The following ATP2B1 variants were observed in gnomAD, a reference collection of about 807,000 sequenced individuals.
ATP2B1 encodes the protein plasma membrane calcium-transporting ATPase 1.
In ATP2B1, 14 loss-of-function variants were observed where a neutral mutation model predicts 124.2. The observed-to-expected ratio is 0.11, with a 90% confidence interval of 0.07 to 0.18. The LOEUF is 0.18. ATP2B1 is among the 10% of genes least tolerant of loss of function. The probability of loss-of-function intolerance (pLI) is 1.00; values close to 1 mark genes in which losing one functional copy is unlikely to be tolerated. For missense variants in ATP2B1, 763 were observed against 1,466.1 expected, an observed-to-expected ratio of 0.52 and a Z score of 7.83; for synonymous variants, 449 against 492.4, an observed-to-expected ratio of 0.91 and a Z score of 1.17.
intron 1 of ATP2B1, among the ~76,000 whole-genome samples, chr12:89,708,072 T>C (rs1215873116): frequency 1.3e-5 from 2 of 151,860 alleles, no homozygotes; most frequent in East Asian, 1.9e-4. Flanking sequence ...ACGCCAACAA[T>C]CAACCACCAG....
Position 89,626,594 on chromosome 12 carries a change from G to A in ATP2B1, c.989C>T (p.Ala330Val). The change falls in exon 8 of 21, where the codon GCC becomes GTC. Residue 330 changes from alanine to valine, a missense_variant. Ala to Val is a moderately conservative substitution (Grantham distance 64). Around this residue, in one of 7 missense-constraint regions of ATP2B1, gnomAD observed 392 missense variants for 776.6 expected, o/e 0.50. Coordinates refer to ENST00000428670, the MANE Select transcript of ATP2B1 (RefSeq NM_001366521.1). ...RNKAKAQDGA[A>V]MEMQPLKSEE... The stretch of plus-strand genomic sequence containing the variant: ...ACTCTTCAATGGCTGCATTTCCATG[G>A]CTGCACCATCCTGGGCTTTTGCTAC... 1 of 1,609,150 alleles carries A rather than the reference G, an allele frequency of 6.2e-7. No homozygotes were observed. Among genetic ancestry groups the A allele is most frequent in the African/African-American group, 1.3e-5 (1 of 74,524 alleles).
At chr12:89,697,774 T>C (rs1461825551) in intron 1 of ATP2B1, among the ~76,000 whole-genome samples, 1 of 151,378 alleles carries the variant, frequency 6.6e-6, no homozygotes, top group Admixed American at 6.6e-5. Context: ...CATCCCATTT[T>C]CTACTCTGAA....
chr12:89,671,985 AC>A (rs574330104), intron 1 of ATP2B1, among the ~76,000 whole-genome samples: 48 of 152,156 alleles, frequency 3.2e-4, no homozygotes, highest in African/African-American at 9.4e-4. Context: ...AGTCTCCTTT[AC>A]CCCAAGAGAG....
At chr12:89,679,428 C>G (rs1258502719) in intron 1 of ATP2B1, among the ~76,000 whole-genome samples, 6 of 152,174 alleles carry the variant, frequency 3.9e-5, no homozygotes, top group Admixed American at 1.3e-4. Flanking sequence ...AATCAGTCTC[C>G]AGGACCAAGA....
intron 20 of ATP2B1, among the ~76,000 whole-genome samples, chr12:89,596,212 A>C (rs1376824579): frequency 6.6e-6 from 1 of 152,152 alleles, no homozygotes; most frequent in Admixed American, 6.6e-5. Flanking sequence ...AATATTGGTA[A>C]ATAAAAACGA....
chr12:89,611,369 G>A lies in ATP2B1; in HGVS notation c.2071C>T (p.Pro691Ser). 2 of 1,504,358 alleles carry A rather than the reference G, an allele frequency of 1.3e-6. No individual in the cohort carries two copies. The highest frequency in any genetic ancestry group is 1.4e-5 in the South Asian group (1 of 72,712). The allele number at this position is 1,504,358 out of a possible 1,614,324, so 93.2% of individuals were successfully genotyped here. ...GIEDPVRPEV[P>S]DAIKKCQRAG... ...CTCTGACACTTTTTAATTGCATCTG[G>A]CACCTGGTTTACATTAAAAAAAAAA... Residue 691 changes from proline (P) to serine (S), a missense_variant, in exon 13 of 21, where the codon CCA becomes TCA. Pro to Ser is a moderately conservative substitution (Grantham distance 74). This residue lies in a region of ATP2B1 where 392 missense variants were observed against 776.6 expected (regional missense o/e 0.50). Transcript: ENST00000428670.
chr12:89,627,931 T>C (rs1223877269), intron 6 of ATP2B1, among the ~76,000 whole-genome samples: 1 of 152,234 alleles, frequency 6.6e-6, no homozygotes, highest in African/African-American at 2.4e-5. Flanking sequence ...AGGGTGTCTA[T>C]ATTTGTTTTA....
chr12:89,632,522 A>G (rs1253963735), intron 5 of ATP2B1, among the ~76,000 whole-genome samples: 2 of 152,166 alleles, frequency 1.3e-5, no homozygotes, highest in East Asian at 1.9e-4. Context: ...CCAGACTCCA[A>G]TTGTTTAGGT....
At chr12:89,704,506 G>A (rs1426461239) in intron 1 of ATP2B1, among the ~76,000 whole-genome samples, 1 of 151,984 alleles carries the variant, frequency 6.6e-6, no homozygotes, top group Non-Finnish European at 1.5e-5. Flanking sequence ...TGTATAATGA[G>A]AAGAGCAATG....
chr12:89,645,116 C>T (rs1884245825), intron 2 of ATP2B1, among the ~76,000 whole-genome samples: 1 of 152,034 alleles, frequency 6.6e-6, no homozygotes, highest in African/African-American at 2.4e-5. Context: ...CAAGGGAGGG[C>T]ACTAATATCA....
At chr12:89,592,138 A>G (rs1472601382) in intron 20 of ATP2B1, among the ~76,000 whole-genome samples, 1 of 152,068 alleles carries the variant, frequency 6.6e-6, no homozygotes, top group African/African-American at 2.4e-5. Flanking sequence ...TATAAATGAA[A>G]AAGATTAGTG....
At chr12:89,698,374 C>T (rs1411506944) in intron 1 of ATP2B1, among the ~76,000 whole-genome samples, 1 of 151,932 alleles carries the variant, frequency 6.6e-6, no homozygotes, top group Non-Finnish European at 1.5e-5. Flanking sequence ...GAATGTCAGA[C>T]CAAAAAAGAA....
Position 89,630,515 on chromosome 12 carries a change from CT to C in ATP2B1, c.917del (p.Lys306ArgfsTer31). 3 of 1,567,232 alleles carry C rather than the reference CT, an allele frequency of 1.9e-6. No individual in the cohort carries two copies. The highest frequency in any genetic ancestry group is 4.7e-5 in the East Asian group (2 of 42,902). On this transcript the variant is annotated frameshift_variant, in exon 6 of 21. Transcript: ENST00000428670. LOFTEE classifies it high-confidence loss of function. Reference sequence around the variant, plus strand: ...AATTGTTATTCTTACTTTTCTTTTCCTTTTTCTTCTCATCTTTCTTCTCTTC... The same window carrying C: ...AATTGTTATTCTTACTTTTCTTTTCCTTTTCTTCTCATCTTTCTTCTCTTC... ...EEEEKKDEKK[K>X]EKKNKKQDGA... is the part of the protein sequence containing the mutation.
chr12:89,602,800 C>G (rs1404868630), intron 18 of ATP2B1, among the ~76,000 whole-genome samples: 1 of 152,106 alleles, frequency 6.6e-6, no homozygotes, highest in Non-Finnish European at 1.5e-5. Context: ...GAAATAATAT[C>G]TTTCACTTTA....
At chr12:89,613,742 A>G (rs1311124762) in intron 12 of ATP2B1, among the ~76,000 whole-genome samples, 1 of 152,238 alleles carries the variant, frequency 6.6e-6, no homozygotes, top group Non-Finnish European at 1.5e-5. Context: ...CAAATAATAC[A>G]TAAGAAAGGC....
intron 1 of ATP2B1, among the ~76,000 whole-genome samples, chr12:89,690,331 T>C (rs1279228891): frequency 1.3e-5 from 2 of 152,010 alleles, no homozygotes; most frequent in Non-Finnish European, 2.9e-5. Context: ...GCAAATCTTT[T>C]TTTTTTTTGG....
At chr12:89,645,062 T>A (rs942434358) in intron 2 of ATP2B1, among the ~76,000 whole-genome samples, 2 of 152,196 alleles carry the variant, frequency 1.3e-5, no homozygotes, top group Admixed American at 1.3e-4. Flanking sequence ...AGGTTCCGGT[T>A]CACCTACTGA....
chr12:89,593,610 A>T (rs371712385), intron 20 of ATP2B1: 1 of 152,060 alleles, frequency 6.6e-6, no homozygotes, highest in African/African-American at 2.4e-5. Context: ...AAAAGTGTAA[A>T]CTTAAGTTAG....
intron 1 of ATP2B1, among the ~76,000 whole-genome samples, chr12:89,704,260 A>T (rs1325427323): frequency 1.3e-5 from 2 of 152,180 alleles, no homozygotes; most frequent in African/African-American, 2.4e-5. Context: ...GTTCTTTGAA[A>T]TCAAAATTCC....
Sources: allele counts gnomAD v4.1 joint callset (sites outside exome capture counted in the v4.1 genomes callset), GRCh38; gene constraint gnomAD v4.1.1; regional missense constraint gnomAD v4.1.1; transcripts MANE v1.5; gene names NCBI Gene and HGNC (gene_info 2026-07-23, HGNC 2026-07-21).